Variants in PRRG1 observed in about 807,000 individuals in gnomAD.
PRRG1 encodes transmembrane gamma-carboxyglutamic acid protein 1.
PRRG1 carries 5 observed loss-of-function variants against 11.8 expected under a neutral mutation model. That is an observed-to-expected ratio of 0.42 (90% CI 0.22 to 0.89). The LOEUF (loss-of-function observed/expected upper bound fraction) is 0.89. PRRG1 is among the 40% of genes least tolerant of loss of function. PRRG1 has a pLI of 0.28. For missense variants in PRRG1, 155 were observed against 166.1 expected, an observed-to-expected ratio of 0.93 and a Z score of 0.37; for synonymous variants, 66 against 60.4, an observed-to-expected ratio of 1.09 and a Z score of -0.43.
At chrX:37,422,491 CA>C (rs782050038) in intron 2 of PRRG1, among the ~76,000 whole-genome samples, 1 of 111,676 alleles carries the variant, frequency 9.0e-6, no homozygotes, top group African/African-American at 3.3e-5. Flanking sequence ...GGAGAAGTCC[CA>C]CGGGAAACCA....
intron 1 of PRRG1, among the ~76,000 whole-genome samples, chrX:37,381,325 C>A: frequency 9.0e-6 from 1 of 111,696 alleles, no homozygotes; most frequent in East Asian, 2.8e-4. Flanking sequence ...CCTTGGCCGA[C>A]TTATAAGAAA....
chrX:37,390,921 G>T (rs940090177), intron 1 of PRRG1, among the ~76,000 whole-genome samples: 6 of 112,433 alleles, frequency 5.3e-5, no homozygotes, highest in Admixed American at 9.4e-5. Flanking sequence ...AGTGGCTACT[G>T]CCCAAGGGAA....
chrX:37,372,013 A>G (rs782175009), intron 1 of PRRG1, among the ~76,000 whole-genome samples: 14 of 113,103 alleles, frequency 1.2e-4, no homozygotes, highest in African/African-American at 4.2e-4. Context: ...CTGCTGGATC[A>G]TATGGTAGTA....
intron 2 of PRRG1, among the ~76,000 whole-genome samples, chrX:37,418,197 C>T (rs1556385817): frequency 8.9e-6 from 1 of 112,193 alleles, no homozygotes; most frequent in African/African-American, 3.2e-5. Flanking sequence ...TTTTACCATA[C>T]CACACTTTTT....
intron 2 of PRRG1, among the ~76,000 whole-genome samples, chrX:37,414,236 A>C (rs1220504399): frequency 9.0e-6 from 1 of 111,035 alleles, no homozygotes; most frequent in African/African-American, 3.3e-5. Flanking sequence ...TTCTTTATAC[A>C]TTTTGGATAG....
At chrX:37,379,341 T>C (rs1931081906) in intron 1 of PRRG1, among the ~76,000 whole-genome samples, 1 of 110,173 alleles carries the variant, frequency 9.1e-6, no homozygotes, top group South Asian at 3.9e-4. Context: ...GTATATATAT[T>C]AGTAGAAAAA....
In PRRG1 at chrX:37,453,267, C is replaced by A. The variant is rs782188342; in HGVS notation, c.303C>A (p.Ile101=). 4.1e-6 allele frequency: 5 copies of A among 1,210,472 alleles called. No individual in the cohort carries two copies. In the Admixed American group the frequency reaches 1.1e-4, roughly 26 times the overall value. Residue 101 remains isoleucine, a synonymous_variant, in exon 4 of 4, where the codon ATC becomes ATA. Coordinates refer to ENST00000378628, the MANE Select transcript of PRRG1 (RefSeq NM_001142395.2). Reference sequence around the variant, plus strand: ...TTATCCTCCTTGTCATTTTCCTAATCTGGAGATGCTTCCTAAGAAACAAAA... The same window carrying A: ...TTATCCTCCTTGTCATTTTCCTAATATGGAGATGCTTCCTAAGAAACAAAA... ...LFIILLVIFL[I]WRCFLRNKTR... is the part of the protein sequence containing the mutation.
chrX:37,371,193 T>C (rs370890350), intron 1 of PRRG1, among the ~76,000 whole-genome samples: 3 of 111,268 alleles, frequency 2.7e-5, no homozygotes, highest in East Asian at 5.7e-4. Context: ...ATCCCAGATA[T>C]CAACCAGACT....
At position 37,392,001 on chromosome X, in the gene PRRG1, T is replaced by A. The variant is rs182887175; in HGVS notation, c.-41-14208T>A. ...GGCTTCCTTGTTTTTTTTTTTTGAC[T>A]TGTTGATGTGTGAAAATTCAGTAAG... On this transcript the variant is annotated intron_variant, in intron 1 of 3. Coordinates refer to ENST00000378628, the MANE Select transcript of PRRG1 (RefSeq NM_001142395.2). Among the ~76,000 whole-genome samples, 364 of 110,565 alleles carry A rather than the reference T, an allele frequency of 3.3e-3. 2 individuals are homozygous for A. Among genetic ancestry groups the A allele is most frequent in the African/African-American group, 0.011 (345 of 30,550 alleles).
intron 2 of PRRG1, among the ~76,000 whole-genome samples, chrX:37,418,849 AC>A (rs1932576255): frequency 2.7e-5 from 3 of 111,601 alleles, no homozygotes; most frequent in Non-Finnish European, 5.7e-5. Context: ...AGTTCAGCCC[AC>A]CCTGCCCCTT....
chrX:37,372,232 A>AT (rs782497711), intron 1 of PRRG1, among the ~76,000 whole-genome samples: 1 of 112,027 alleles, frequency 8.9e-6, no homozygotes. Context: ...GATGCTGAGC[A>AT]TTTTTTTATA....
At chrX:37,381,037 A>T (rs1444403456) in intron 1 of PRRG1, among the ~76,000 whole-genome samples, 6 of 111,467 alleles carry the variant, frequency 5.4e-5, no homozygotes, top group African/African-American at 2.0e-4. Context: ...AATCAGAATT[A>T]TCTTGGCCCA....
intron 3 of PRRG1, among the ~76,000 whole-genome samples, chrX:37,433,069 T>G (rs1320488622): frequency 9.0e-6 from 1 of 111,614 alleles, no homozygotes; most frequent in Non-Finnish European, 1.9e-5. Flanking sequence ...GTTATCACTT[T>G]ACATCCAAGC....
At chrX:37,370,121 C>T (rs1335375134) in intron 1 of PRRG1, among the ~76,000 whole-genome samples, 5 of 111,564 alleles carry the variant, frequency 4.5e-5, no homozygotes, top group African/African-American at 1.3e-4. Context: ...GCTTATTTCA[C>T]TTAATGCCCT....
At chrX:37,417,733 G>A (rs982621074) in intron 2 of PRRG1, among the ~76,000 whole-genome samples, 5 of 111,565 alleles carry the variant, frequency 4.5e-5, no homozygotes, top group Non-Finnish European at 9.4e-5. Flanking sequence ...GAAAAAAAAA[G>A]TTTGAAGGCA....
At chrX:37,361,650 G>A (rs1003979749) in intron 1 of PRRG1, among the ~76,000 whole-genome samples, 1 of 111,632 alleles carries the variant, frequency 9.0e-6, no homozygotes, top group Admixed American at 9.5e-5. Context: ...TTTCAAAACT[G>A]TGTCTGAGAT....
In PRRG1 at chrX:37,453,508, C is replaced by T. The variant is rs1556397323; in HGVS notation, c.544C>T (p.Gln182Ter). Residue 182 changes from glutamine (Q) to a stop codon, truncating the protein, a stop_gained, in exon 4 of 4, where the codon CAG becomes TAG. Transcript: ENST00000378628. LOFTEE classifies it high-confidence loss of function. ...YEEATGQVNL[Q>*]RSETEPHLDP... is the part of the protein sequence containing the mutation. ...GGAAGCCACTGGCCAAGTGAACCTG[C>T]AGAGGAGTGAAACAGAACCTCATTT... 8.3e-7 allele frequency: 1 copy of T among 1,211,235 alleles called. No homozygotes were observed. The highest frequency in any genetic ancestry group is 2.2e-5 in the Admixed American group (1 of 45,950).
At chrX:37,387,678 G>A (rs903492059) in intron 1 of PRRG1, among the ~76,000 whole-genome samples, 5 of 111,120 alleles carry the variant, frequency 4.5e-5, no homozygotes, top group Admixed American at 1.9e-4. Flanking sequence ...CTCCCACCAG[G>A]ACCCACCTCC....
rs1556398520 is a variant in PRRG1, at chrX:37,456,812, A to G, written c.*3191A>G. On this transcript the variant is annotated 3_prime_UTR_variant, in exon 4 of 4. Transcript: ENST00000378628. The stretch of plus-strand genomic sequence containing the variant: ...TTAAAAGTTTATTTTTACAGAATAT[A>G]TTTAGTACCTTTCTTAAGGAGTAAC... 1 of 111,939 alleles carries G rather than the reference A, an allele frequency of 8.9e-6. No individual in the cohort carries two copies. The highest frequency in any genetic ancestry group is 9.5e-5 in the Admixed American group (1 of 10,533). 9.2% of individuals were successfully genotyped at this position (111,939 alleles called of 1,213,427 possible).
Sources: gnomAD v4.1 joint callset for allele counts (sites outside exome capture counted in the v4.1 genomes callset) on GRCh38, gnomAD v4.1.1 for gene constraint, MANE v1.5 for transcripts, NCBI Gene and HGNC (gene_info 2026-07-23, HGNC 2026-07-21) for gene names.